MEG3: variants seen among roughly 807,000 people sequenced by gnomAD.
MEG3 encodes maternally expressed 3.
exon 2 of MEG3, chr14:100,860,850 G>A (rs768261238): frequency 1.4e-5 from 5 of 366,552 alleles, no homozygotes; most frequent in East Asian, 7.5e-5. Flanking sequence ...TGCCCACCCC[G>A]CAGGAACCCT....
chr14:100,834,917 A>G (rs1033445412), exon 1 of MEG3: 1 of 417,880 alleles, frequency 2.4e-6, no homozygotes, highest in Non-Finnish European at 4.8e-6. Flanking sequence ...GCGTCCCTGC[A>G]TTCACCCGCG....
chr14:100,852,979 G>A (rs1408244874), upstream of MEG3: 4 of 153,700 alleles, frequency 2.6e-5, no homozygotes, highest in African/African-American at 9.7e-5. Flanking sequence ...AGGGCTCTTA[G>A]GGTTTTGACC....
Position 100,835,848 on chromosome 14 carries a change from C to T in MEG3, n.2880C>T, listed in dbSNP as rs375592965. On this transcript the variant is annotated non_coding_transcript_exon_variant, in exon 1 of 4. Coordinates refer to the MEG3 transcript ENST00000398461. Reference sequence around the variant, plus strand: ...TCAGGGCTATGGACAGACTCCTGTCCCATCCCAGAGACCCCTCGTGATCGT... The same window carrying T: ...TCAGGGCTATGGACAGACTCCTGTCTCATCCCAGAGACCCCTCGTGATCGT... 3.0e-5 allele frequency: 8 copies of T among 263,804 alleles called. No homozygotes were observed. The East Asian group carries it at 1.0e-3, about 33-fold the overall frequency. 16.3% of individuals were successfully genotyped at this position (263,804 alleles called of 1,614,324 possible). A position where few individuals can be genotyped will look rare whatever the true frequency, so the allele number is the denominator to read the frequency against.
intron 2 of MEG3, among the ~76,000 whole-genome samples, chr14:100,839,663 G>T (rs956117784): frequency 6.6e-6 from 1 of 152,188 alleles, no homozygotes; most frequent in African/African-American, 2.4e-5. Context: ...TCAGAGCCAG[G>T]AAAGGTGGGA....
upstream of MEG3, chr14:100,854,372 AG>A (rs1294211918): frequency 6.6e-6 from 1 of 152,182 alleles, no homozygotes. Context: ...CTTGGGATGT[AG>A]GGAGCCCATA....
intron 3 of MEG3, chr14:100,848,477 G>T (rs145589554): frequency 5.6e-4 from 86 of 152,364 alleles, no homozygotes; most frequent in African/African-American, 2.0e-3. Flanking sequence ...GAAAAGATTT[G>T]CATTGACCGA....
At chr14:100,844,713 C>T (rs956301807) in intron 2 of MEG3, among the ~76,000 whole-genome samples, 8 of 152,158 alleles carry the variant, frequency 5.3e-5, no homozygotes, top group Non-Finnish European at 8.8e-5. Flanking sequence ...TGTCATGATA[C>T]GTGTCTGACA....
At position 100,837,340 on chromosome 14, in the gene MEG3, G is replaced by A. The variant is rs1174412837; in HGVS notation, n.3045+1040G>A. Among the ~76,000 whole-genome samples the A allele has an allele frequency of 6.6e-6, 1 of 152,202 alleles. No homozygotes were observed. The highest frequency in any genetic ancestry group is 6.5e-5 in the Admixed American group (1 of 15,288). On this transcript the variant is annotated intron_variant and non_coding_transcript_variant, in intron 2 of 3. Coordinates refer to the MEG3 transcript ENST00000398461. This position sits in a 1 kb window ranked among gnomAD's most constrained non-coding sequence, Gnocchi z 5.8. The stretch of plus-strand genomic sequence containing the variant: ...GCCACTGCCCTGGGAGGCAGTGTCA[G>A]GATCCTGGCACCCCTCATATATGAC...
In MEG3 at chr14:100,847,800, A is replaced by C. The variant is rs539482298; in HGVS notation, n.3121+2267A>C. 4 of 152,376 alleles carry C rather than the reference A, an allele frequency of 2.6e-5. No homozygotes were observed. The East Asian group carries it at 7.7e-4, about 29-fold the overall frequency. 9.4% of individuals were successfully genotyped at this position (152,376 alleles called of 1,614,324 possible). A position where few individuals can be genotyped will look rare whatever the true frequency, so the allele number is the denominator to read the frequency against. ...TGACAGAAGAGAGAAAGGAACGGTA[A>C]AAAGAAATAACAACCAAATGGATAA... On this transcript the variant is annotated intron_variant and non_coding_transcript_variant, in intron 3 of 3. Transcript: ENST00000398461.
downstream of MEG3, chr14:100,829,514 A>G (rs1327714396): frequency 6.6e-6 from 1 of 152,232 alleles, no homozygotes; most frequent in East Asian, 1.9e-4. Context: ...AGATCTTCCT[A>G]TCCTTTTCTG....
At chr14:100,860,100 T>C (rs73349326) in exon 1 of MEG3, 3,303 of 155,626 alleles carry the variant, frequency 0.021, 104 homozygotes, top group African/African-American at 0.073. Flanking sequence ...GCGGAGGCCC[T>C]GTGCTCCCTG....
chr14:100,852,479 T>C (rs2038111863), upstream of MEG3: 1 of 520,618 alleles, frequency 1.9e-6, no homozygotes. Context: ...GCCTCAGGGG[T>C]CTGCTCTTCT....
intron 2 of MEG3, among the ~76,000 whole-genome samples, chr14:100,842,202 T>C (rs968317362): frequency 1.3e-5 from 2 of 152,132 alleles, no homozygotes; most frequent in African/African-American, 4.8e-5. Context: ...ATCGAAAAAT[T>C]GCCAGCTTCA....
At chr14:100,840,574 G>T (rs1409946346) in intron 2 of MEG3, among the ~76,000 whole-genome samples, 1 of 152,194 alleles carries the variant, frequency 6.6e-6, no homozygotes, top group African/African-American at 2.4e-5. Flanking sequence ...CCTCCCAGGG[G>T]TTGTGTGGGG....
At position 100,845,608 on chromosome 14, in the gene MEG3, G is replaced by A. The variant is rs993553793; in HGVS notation, n.3121+75G>A. On this transcript the variant is annotated intron_variant and non_coding_transcript_variant, in intron 3 of 3. Coordinates refer to the MEG3 transcript ENST00000398461. The surrounding 1 kb of genome is among the most constrained non-coding windows in gnomAD (Gnocchi z 5.2). ...TGGGGCCAGCTGCCCGGAGCACACCGCCAGGCGGACCTCGTGGAGGGGCTG... is the reference window on the plus strand; with the variant it reads ...TGGGGCCAGCTGCCCGGAGCACACCACCAGGCGGACCTCGTGGAGGGGCTG... The A allele has an allele frequency of 2.4e-5, 10 of 422,578 alleles. No individual in the cohort carries two copies. Among genetic ancestry groups the A allele is most frequent in the African/African-American group, 8.1e-5 (4 of 49,298 alleles). 26.2% of individuals were successfully genotyped at this position (422,578 alleles called of 1,614,324 possible).
intron 3 of MEG3, chr14:100,850,836 T>C (rs1315312009): frequency 6.6e-6 from 1 of 152,172 alleles, no homozygotes; most frequent in African/African-American, 2.4e-5. Flanking sequence ...TCTAAATGGA[T>C]GAACGAATGA....
chr14:100,836,235 TG>T (rs2037574129), exon 2 of MEG3: 2 of 456,522 alleles, frequency 4.4e-6, no homozygotes, highest in African/African-American at 2.0e-5. Context: ...GAGGCCCTGA[TG>T]GGGCCCACCA....
chr14:100,840,214 G>A (rs1007414621), intron 2 of MEG3, among the ~76,000 whole-genome samples: 4 of 152,218 alleles, frequency 2.6e-5, no homozygotes, highest in African/African-American at 9.6e-5. Context: ...AATAAATCCA[G>A]ATGGAGAGTT....
At chr14:100,840,446 G>A (rs887350895) in intron 2 of MEG3, among the ~76,000 whole-genome samples, 14 of 152,176 alleles carry the variant, frequency 9.2e-5, no homozygotes, top group Admixed American at 5.9e-4. Flanking sequence ...AGGGCTGAGC[G>A]CAGATGAGTT....
Sources: allele counts gnomAD v4.1 joint callset (sites outside exome capture counted in the v4.1 genomes callset), GRCh38; gene constraint gnomAD v4.1.1; non-coding constraint Gnocchi (gnomAD v3.1); transcripts MANE v1.5; gene names NCBI Gene and HGNC (gene_info 2026-07-23, HGNC 2026-07-21).